Variants in ANO3 observed in about 807,000 individuals in gnomAD.
The protein encoded by ANO3 is anoctamin 3.
Under a neutral mutation model 144.8 loss-of-function variants are expected in ANO3, and 99 were observed. That is an observed-to-expected ratio of 0.68 (90% CI 0.58 to 0.81). The LOEUF (loss-of-function observed/expected upper bound fraction) is 0.81. Among genes scored for constraint, ANO3 ranks in the 30% least tolerant of loss-of-function variants. The probability of loss-of-function intolerance (pLI) is 0.00; values close to 1 mark genes in which losing one functional copy is unlikely to be tolerated. For missense variants in ANO3, 905 were observed against 1,202.2 expected (o/e 0.75, Z 3.66); for synonymous variants, 414 against 392.6 (o/e 1.05, Z -0.64).
intron 18 of ANO3, among the ~76,000 whole-genome samples, chr11:26,627,316 C>T (rs1284557771): frequency 6.6e-6 from 1 of 151,692 alleles, no homozygotes; most frequent in African/African-American, 2.4e-5. Flanking sequence ...CCTTCTCCTC[C>T]TCTTCCCCCT....
At position 26,660,459 on chromosome 11, in the gene ANO3, C is replaced by A; in HGVS notation, c.*15C>A. 5 of 1,585,252 alleles carry A rather than the reference C, an allele frequency of 3.2e-6. No individual in the cohort carries two copies. The highest frequency in any genetic ancestry group is 2.3e-5 in the East Asian group (1 of 44,260). ...AATGGCCTTAGTTGACACCTGTTACCCATTAGGGGTGATAACATTAATGGG... is the reference window on the plus strand; with the variant it reads ...AATGGCCTTAGTTGACACCTGTTACACATTAGGGGTGATAACATTAATGGG... On this transcript the variant is annotated 3_prime_UTR_variant, in exon 27 of 27. Coordinates refer to ENST00000256737, the MANE Select transcript of ANO3 (RefSeq NM_031418.4).
chr11:26,369,438 CA>C (rs1856187122), intron 1 of ANO3, among the ~76,000 whole-genome samples: 1 of 152,002 alleles, frequency 6.6e-6, no homozygotes, highest in Non-Finnish European at 1.5e-5. Context: ...CTTTTCCTAC[CA>C]TTTCTCCTTT....
intron 1 of ANO3, among the ~76,000 whole-genome samples, chr11:26,251,538 T>A (rs147473160): frequency 6.6e-6 from 1 of 152,358 alleles, no homozygotes; most frequent in East Asian, 1.9e-4. Flanking sequence ...AATCTGTTTC[T>A]CTGCATTTAT....
Position 26,336,392 on chromosome 11 carries a change from T to C in ANO3, c.46+4071T>C, listed in dbSNP as rs550003233. Among the ~76,000 whole-genome samples the C allele has an allele frequency of 3.3e-5, 5 of 152,372 alleles. No individual in the cohort carries two copies. In the East Asian group the frequency reaches 9.6e-4, roughly 29 times the overall value. Reference sequence around the variant, plus strand: ...CATCATTATCCTAAAGGACATTTGGTTAAAACAGAGAGTGTTTTTAGTAAT... The same window carrying C: ...CATCATTATCCTAAAGGACATTTGGCTAAAACAGAGAGTGTTTTTAGTAAT... On this transcript the variant is annotated intron_variant, in intron 1 of 26. Coordinates refer to ENST00000256737, the MANE Select transcript of ANO3 (RefSeq NM_031418.4).
At chr11:26,478,411 T>C (rs1590397102) in intron 4 of ANO3, among the ~76,000 whole-genome samples, 1 of 152,120 alleles carries the variant, frequency 6.6e-6, no homozygotes, top group South Asian at 2.1e-4. Flanking sequence ...TGTAGAGATA[T>C]ATGGTGGATT....
chr11:26,394,481 T>C (rs1049814232), intron 1 of ANO3, among the ~76,000 whole-genome samples: 2 of 151,446 alleles, frequency 1.3e-5, no homozygotes, highest in African/African-American at 4.8e-5. Flanking sequence ...ACTCCAAATC[T>C]CTCTAGGCAA....
chr11:26,516,983 T>C, intron 6 of ANO3, 56 bp downstream of exon 6: 1 of 1,068,536 alleles, frequency 9.4e-7, no homozygotes, highest in African/African-American at 1.6e-5. Context: ...GAGTCTATCT[T>C]TGCATCACCT....
chr11:26,625,221 G>A (rs562943883), intron 18 of ANO3, among the ~76,000 whole-genome samples: 3 of 152,262 alleles, frequency 2.0e-5, no homozygotes, highest in East Asian at 1.9e-4. Context: ...CACTGTGTCC[G>A]GCTACTTTTA....
chr11:26,341,777 C>T (rs1033772186), intron 1 of ANO3, among the ~76,000 whole-genome samples: 4 of 152,144 alleles, frequency 2.6e-5, no homozygotes, highest in South Asian at 2.1e-4. Flanking sequence ...GCTAAAGGCC[C>T]GGGAATCCCT....
Position 26,381,580 on chromosome 11 carries a change from C to G in ANO3, c.46+49259C>G, listed in dbSNP as rs144198944. Among the ~76,000 whole-genome samples the G allele has an allele frequency of 5.4e-3, 820 of 152,244 alleles. 5 individuals carry two copies. The highest frequency in any genetic ancestry group is 0.019 in the African/African-American group (795 of 41,560). Reference sequence around the variant, plus strand: ...ATCCCATTTGAATGTAAATACCAGTCTTGTTTACTAGCATATAGTACAATA... The same window carrying G: ...ATCCCATTTGAATGTAAATACCAGTGTTGTTTACTAGCATATAGTACAATA... On this transcript the variant is annotated intron_variant, in intron 1 of 26. Transcript: ENST00000256737.
chr11:26,546,501 A>T (rs1342941710), intron 11 of ANO3, among the ~76,000 whole-genome samples: 1 of 151,984 alleles, frequency 6.6e-6, no homozygotes, highest in East Asian at 1.9e-4. Context: ...AACGAACTTT[A>T]AAGTGCCCAT....
intron 14 of ANO3, among the ~76,000 whole-genome samples, chr11:26,593,750 G>A (rs922335283): frequency 2.6e-5 from 4 of 150,960 alleles, no homozygotes; most frequent in Admixed American, 6.6e-5. Flanking sequence ...CGTGTAGGCC[G>A]CAGTGGAAGC....
chr11:26,626,095 T>C (rs1378839475), intron 18 of ANO3, among the ~76,000 whole-genome samples: 2 of 152,252 alleles, frequency 1.3e-5, no homozygotes, highest in Non-Finnish European at 2.9e-5. Flanking sequence ...TTCCCAGTCC[T>C]TTGCACAGGA....
At chr11:26,327,201 T>C (rs775571608), upstream of ANO3, among the ~76,000 whole-genome samples, 23 of 152,218 alleles carry the variant, frequency 1.5e-4, no homozygotes, top group Non-Finnish European at 3.2e-4. Context: ...TATGTGTCAA[T>C]CATCTTTTCG....
chr11:26,542,039 G>A lies in ANO3; in HGVS notation c.1125G>A (p.Trp375Ter). ...AGCGCTGGGCACGCTGGGGAATGTG[G>A]TATAAGCATCAGCCTCTGGATTTAA... Reference protein sequence around the residue: ...LYERWARWGMWYKHQPLDLIR... With the variant: ...LYERWARWGM Residue 375 changes from tryptophan to a stop codon, truncating the protein, a stop_gained, in exon 11 of 27, where the codon TGG becomes TGA. Coordinates refer to ENST00000256737, the MANE Select transcript of ANO3 (RefSeq NM_031418.4). LOFTEE classifies it high-confidence loss of function. 2.5e-6 allele frequency: 4 copies of A among 1,612,338 alleles called. No homozygotes were observed. Among genetic ancestry groups the A allele is most frequent in the Non-Finnish European group, 3.4e-6 (4 of 1,178,938 alleles).
intron 10 of ANO3, 36 bp from the exon 11 acceptor site, chr11:26,541,911 A>T: frequency 6.3e-7 from 1 of 1,580,718 alleles, no homozygotes; most frequent in Middle Eastern, 1.8e-4. Context: ...TTCACTAAAA[A>T]ATAGAACCAA....
chr11:26,359,876 A>AGTGTGTGTGTGTGT lies in ANO3; in HGVS notation c.46+27566_46+27579dup, dbSNP rs142194688. Among the ~76,000 whole-genome samples, 175 of 149,496 alleles carry AGTGTGTGTGTGTGT rather than the reference A, an allele frequency of 1.2e-3. 1 individual carries two copies. The highest frequency in any genetic ancestry group is 1.7e-3 in the African/African-American group (69 of 40,642). On this transcript the variant is annotated intron_variant, in intron 1 of 26. Coordinates refer to ENST00000256737, the MANE Select transcript of ANO3 (RefSeq NM_031418.4). ...GGTCAGAGTGGAACTATGTCAGACT[A>AGTGTGTGTGTGTGT]GTGTGTGTGTGTGTGTGTGTGTGTA...
At chr11:26,613,123 C>A (rs1033553392) in intron 17 of ANO3, among the ~76,000 whole-genome samples, 1 of 152,080 alleles carries the variant, frequency 6.6e-6, no homozygotes, top group East Asian at 1.9e-4. Context: ...CTCTAATAAT[C>A]CTATAATGGG....
chr11:26,337,750 C>G (rs1703099275), intron 1 of ANO3, among the ~76,000 whole-genome samples: 2 of 152,086 alleles, frequency 1.3e-5, no homozygotes, highest in Admixed American at 1.3e-4. Flanking sequence ...GCCTGGCCAA[C>G]ATGGTAAAAC....
Sources: allele counts gnomAD v4.1 joint callset (sites outside exome capture counted in the v4.1 genomes callset), GRCh38; gene constraint gnomAD v4.1.1; transcripts MANE v1.5; gene names NCBI Gene and HGNC (gene_info 2026-07-23, HGNC 2026-07-21).